NEIL2: variants seen among roughly 807,000 people sequenced by gnomAD.
NEIL2 encodes nei like DNA glycosylase 2.
A neutral mutation model predicts 22.2 loss-of-function variants in NEIL2; 23 were observed. The ratio of observed to expected loss-of-function variants is 1.04; its 90% CI spans 0.75 to 1.47. The LOEUF (loss-of-function observed/expected upper bound fraction) is 1.47, where lower values mean the gene tolerates loss of function less well. Ranked by LOEUF, NEIL2 falls within the 40% of genes most tolerant of loss-of-function variation. The probability of loss-of-function intolerance (pLI) is 0.00; values close to 1 mark genes in which losing one functional copy is unlikely to be tolerated. For synonymous variants in NEIL2, 229 were observed against 164.8 expected, an observed-to-expected ratio of 1.39 and a Z score of -2.99; for missense variants, 583 against 404.7, an observed-to-expected ratio of 1.44 and a Z score of -3.78.
At position 11,786,304 on chromosome 8, in the gene NEIL2, C is replaced by A. The variant is rs1158924701; in HGVS notation, c.*31C>A. 6.3e-7 allele frequency: 1 copy of A among 1,586,422 alleles called. No individual in the cohort carries two copies. The highest frequency in any genetic ancestry group is 1.1e-5 in the South Asian group (1 of 89,016). ...TGGTGGTGCTCCTCACGGAACCTTG[C>A]CGCTTGGGGAACCTGACGTCTAAGT... On this transcript the variant is annotated 3_prime_UTR_variant, in exon 5 of 5. Transcript: ENST00000284503.
chr8:11,777,132 T>C (rs1245308110), intron 2 of NEIL2, among the ~76,000 whole-genome samples: 1 of 151,658 alleles, frequency 6.6e-6, no homozygotes, highest in Non-Finnish European at 1.5e-5. Context: ...TTCCGTGTGC[T>C]ACGTCTGCTT....
intron 1 of NEIL2, among the ~76,000 whole-genome samples, chr8:11,770,680 G>T (rs1803359476): frequency 2.6e-5 from 4 of 152,190 alleles, no homozygotes; most frequent in Admixed American, 2.6e-4. Context: ...CCCGGGTGAG[G>T]CTGGGAGTCT....
chr8:11,784,482 G>C (rs564239234), intron 4 of NEIL2, among the ~76,000 whole-genome samples: 90 of 152,196 alleles, frequency 5.9e-4, no homozygotes, highest in Non-Finnish European at 1.1e-3. Flanking sequence ...GTGAATCCAG[G>C]TGTTTTGTCA....
chr8:11,784,923 C>A (rs976206686), intron 4 of NEIL2, among the ~76,000 whole-genome samples: 2 of 152,196 alleles, frequency 1.3e-5, no homozygotes, highest in African/African-American at 4.8e-5. Context: ...GGCCAGAGTG[C>A]AGTGGCACAA....
At chr8:11,776,584 T>C (rs1352350179) in intron 2 of NEIL2, among the ~76,000 whole-genome samples, 2 of 152,228 alleles carry the variant, frequency 1.3e-5, no homozygotes, top group East Asian at 3.8e-4. Flanking sequence ...CTGGACCATA[T>C]AGTATGTTGA....
intron 1 of NEIL2, among the ~76,000 whole-genome samples, chr8:11,770,882 G>C (rs8191525): frequency 6.6e-6 from 1 of 152,190 alleles, no homozygotes; most frequent in South Asian, 2.1e-4. Flanking sequence ...GCTTACCTAC[G>C]TGGCTGGGGG....
At chr8:11,776,145 T>C (rs1166911059) in intron 2 of NEIL2, among the ~76,000 whole-genome samples, 1 of 152,232 alleles carries the variant, frequency 6.6e-6, no homozygotes, top group Admixed American at 6.5e-5. Flanking sequence ...TCCACATGTC[T>C]GGGGAGTCCT....
Position 11,771,524 on chromosome 8 carries a change from G to A in NEIL2, c.77G>A (p.Gly26Glu), listed in dbSNP as rs150931138. The A allele has an allele frequency of 6.2e-7, 1 of 1,614,042 alleles. No homozygotes were observed. Among genetic ancestry groups the A allele is most frequent in the Non-Finnish European group, 8.5e-7 (1 of 1,180,010 alleles). The part of the protein sequence containing the change: ...PFVGQQVVKT[G>E]GSSKKLQPAS... ...GTGGGTCAGCAGGTGGTCAAGACAG[G>A]GGGCAGCAGTAAGAAGCTACAGCCC... The change falls in exon 2 of 5, where the codon GGG becomes GAG. Residue 26 changes from glycine to glutamate, a missense_variant. Physicochemically the swap from Gly to Glu is moderately conservative, Grantham distance 98. Transcript: ENST00000284503.
chr8:11,780,522 G>A (rs528515051), intron 3 of NEIL2, among the ~76,000 whole-genome samples: 90 of 152,260 alleles, frequency 5.9e-4, no homozygotes, highest in African/African-American at 2.0e-3. Flanking sequence ...TGGGACTACA[G>A]GTGCGTGCCA....
intron 2 of NEIL2, among the ~76,000 whole-genome samples, chr8:11,777,633 A>G (rs1032222685): frequency 3.3e-5 from 5 of 152,166 alleles, no homozygotes; most frequent in African/African-American, 1.2e-4. Context: ...ATTATACAGT[A>G]TTTGGAGTTT....
Position 11,770,131 on chromosome 8 carries a change from T to A in NEIL2, c.-207T>A, listed in dbSNP as rs1449956445. 6.6e-6 allele frequency: 1 copy of A among 152,188 alleles called. No homozygotes were observed. The highest frequency in any genetic ancestry group is 6.5e-5 in the Admixed American group (1 of 15,290). The allele number at this position is 152,188 out of a possible 1,614,324, so 9.4% of individuals were successfully genotyped here. On this transcript the variant is annotated 5_prime_UTR_variant, in exon 1 of 5. Transcript: ENST00000284503. ...AGGGCCGGAGGGTGGGCGCGGCATC[T>A]TCAGCGACTCTTCGAAGTCCCTTCC...
rs140177918 is a variant in NEIL2, at chr8:11,779,924, G to C, written c.465G>C (p.Arg155Ser). ...CCAGAGCCAAGAAAGCCAACAAGAG[G>C]GGGGACTGGAGGGACCCTTCCCCGA... ...DFSRAKKANKRGDWRDPSPRL... is the reference protein window; with the variant it reads ...DFSRAKKANKSGDWRDPSPRL... The change falls in exon 3 of 5, where the codon AGG becomes AGC. Residue 155 changes from arginine (R) to serine (S), a missense_variant. Arg to Ser is a moderately radical substitution (Grantham distance 110, BLOSUM62 -1). Coordinates refer to ENST00000284503, the MANE Select transcript of NEIL2 (RefSeq NM_145043.4). 112 of 1,614,124 alleles carry C rather than the reference G, an allele frequency of 6.9e-5. No homozygotes were observed. The highest frequency in any genetic ancestry group is 4.7e-4 in the East Asian group (21 of 44,884).
chr8:11,780,788 T>A (rs943192824), intron 3 of NEIL2, among the ~76,000 whole-genome samples: 1 of 152,196 alleles, frequency 6.6e-6, no homozygotes, highest in Admixed American at 6.5e-5. Context: ...TAATTGCTGG[T>A]CAGAGGGAAT....
chr8:11,784,559 A>T (rs1395316032), intron 4 of NEIL2, among the ~76,000 whole-genome samples: 1 of 152,140 alleles, frequency 6.6e-6, no homozygotes, highest in Non-Finnish European at 1.5e-5. Context: ...AAACAGCAGG[A>T]ATTTCCTTCA....
intron 2 of NEIL2, among the ~76,000 whole-genome samples, chr8:11,776,166 G>A (rs779216015): frequency 6.6e-6 from 1 of 152,220 alleles, no homozygotes; most frequent in Non-Finnish European, 1.5e-5. Flanking sequence ...CATAATCATG[G>A]TGGAAGGCAA....
intron 1 of NEIL2, among the ~76,000 whole-genome samples, chr8:11,771,094 G>A (rs935816216): frequency 1.3e-5 from 2 of 152,302 alleles, no homozygotes; most frequent in Non-Finnish European, 2.9e-5. Flanking sequence ...GAGGTTCACA[G>A]TCCAGGCAAA....
chr8:11,778,943 G>GAAAAAAAAAAAAAAAA lies in NEIL2; in HGVS notation c.139-648_139-633dup, dbSNP rs57173797. Among the ~76,000 whole-genome samples, 6 of 44,504 alleles carry GAAAAAAAAAAAAAAAA rather than the reference G, an allele frequency of 1.3e-4. 3 individuals are homozygous for GAAAAAAAAAAAAAAAA. Among genetic ancestry groups the GAAAAAAAAAAAAAAAA allele is most frequent in the Non-Finnish European group, 2.3e-4 (6 of 26,556 alleles). The allele number at this position is 44,504 out of a possible 152,430, so 29.2% of individuals were successfully genotyped here. On this transcript the variant is annotated intron_variant, in intron 2 of 4. Transcript: ENST00000284503. The stretch of plus-strand genomic sequence containing the variant: ...CTCCAGTCTAGGCGAGACTCCATCT[G>GAAAAAAAAAAAAAAAA]AAAAAAAAAAAAAAAAAAAAAAGAC...
In NEIL2 at chr8:11,779,943, T is replaced by A. The variant is rs953032492; in HGVS notation, c.484T>A (p.Ser162Thr). The change falls in exon 3 of 5, where the codon TCC (serine) becomes ACC (threonine). Residue 162 changes from serine (S) to threonine (T), a missense_variant. Transcript: ENST00000284503. The stretch of plus-strand genomic sequence containing the variant: ...CAAGAGGGGGGACTGGAGGGACCCT[T>A]CCCCGAGGTAATGGTGTGGCCATCT... Reference protein sequence around the residue: ...ANKRGDWRDPSPRLVLHFGGG... With the variant: ...ANKRGDWRDPTPRLVLHFGGG... 6.2e-7 allele frequency: 1 copy of A among 1,613,000 alleles called. No individual in the cohort carries two copies. The highest frequency in any genetic ancestry group is 1.7e-5 in the Admixed American group (1 of 59,978).
chr8:11,773,382 C>T (rs1803640196), intron 2 of NEIL2, among the ~76,000 whole-genome samples: 2 of 152,154 alleles, frequency 1.3e-5, no homozygotes, highest in Admixed American at 1.3e-4. Context: ...GAAGTGAGCG[C>T]CCTTCCCTGC....
Sources: allele counts gnomAD v4.1 joint callset (sites outside exome capture counted in the v4.1 genomes callset), GRCh38; gene constraint gnomAD v4.1.1; transcripts MANE v1.5; gene names NCBI Gene and HGNC (gene_info 2026-07-23, HGNC 2026-07-21).